FHL5: variants seen among roughly 807,000 people sequenced by gnomAD.
The protein encoded by FHL5 is four and a half LIM domains protein 5.
In FHL5, 33 loss-of-function variants were observed where a neutral mutation model predicts 32.0. That is an observed-to-expected ratio of 1.03 (90% CI 0.78 to 1.38). FHL5 has a LOEUF of 1.38. Ranked by LOEUF, FHL5 falls within the 40% of genes most tolerant of loss-of-function variation. The probability of loss-of-function intolerance (pLI) is 0.00; values close to 1 mark genes in which losing one functional copy is unlikely to be tolerated. For synonymous variants in FHL5, 114 were observed against 113.6 expected, an observed-to-expected ratio of 1.00 and a Z score of -0.02; for missense variants, 336 against 343.9, an observed-to-expected ratio of 0.98 and a Z score of 0.18.
chr6:96,604,307 TTCTCTCTC>T (rs3839356), intron 2 of FHL5, among the ~76,000 whole-genome samples: 59 of 145,912 alleles, frequency 4.0e-4, no homozygotes, highest in South Asian at 1.6e-3. Context: ...TCCTCTCTCT[TTCTCTCTC>T]TCTCTCTCTC....
intron 1 of FHL5, among the ~76,000 whole-genome samples, chr6:96,601,799 C>A (rs1158049779): frequency 1.3e-5 from 2 of 152,170 alleles, no homozygotes; most frequent in African/African-American, 2.4e-5. Flanking sequence ...AATGTGAATA[C>A]AACTTTTATT....
rs763909594 is a variant in FHL5, at chr6:96,615,618, G to A, written c.701G>A (p.Gly234Asp). 3 of 1,607,106 alleles carry A rather than the reference G, an allele frequency of 1.9e-6. No homozygotes were observed. Among genetic ancestry groups the A allele is most frequent in the Admixed American group, 1.7e-5 (1 of 59,128 alleles). The change falls in exon 6 of 6, where the codon GGT becomes GAT. Residue 234 changes from glycine to aspartate, a missense_variant. Transcript: ENST00000450218. The part of the protein sequence containing the change: ...ACSKPISGLT[G>D]AKFICFQDSQ... ...TCCAATTCCTTTACAGGTCTCACAG[G>A]TGCCAAGTTTATCTGCTTTCAAGAC...
chr6:96,589,821 T>C (rs1226848676), intron 1 of FHL5, among the ~76,000 whole-genome samples: 1 of 152,022 alleles, frequency 6.6e-6, no homozygotes, highest in Admixed American at 6.6e-5. Context: ...AGATCTATGG[T>C]TCACCTGGAA....
intron 1 of FHL5, among the ~76,000 whole-genome samples, chr6:96,576,509 C>G (rs945594037): frequency 6.6e-6 from 1 of 152,222 alleles, no homozygotes; most frequent in East Asian, 1.9e-4. Context: ...ACCACGTAAG[C>G]TTTTCATAGG....
intron 1 of FHL5, among the ~76,000 whole-genome samples, chr6:96,591,342 TC>T (rs1259220726): frequency 6.6e-6 from 1 of 152,176 alleles, no homozygotes; most frequent in Admixed American, 6.5e-5. Flanking sequence ...ATTTTCTAAT[TC>T]TTTGACACAG....
At chr6:96,583,679 T>C (rs528679137) in intron 1 of FHL5, among the ~76,000 whole-genome samples, 6 of 152,252 alleles carry the variant, frequency 3.9e-5, no homozygotes, top group Admixed American at 6.5e-5. Context: ...GTTTCTTTGA[T>C]ATCTTCCTTG....
chr6:96,578,924 T>C (rs962415608), intron 1 of FHL5, among the ~76,000 whole-genome samples: 32 of 152,312 alleles, frequency 2.1e-4, no homozygotes, highest in South Asian at 1.2e-3. Flanking sequence ...ATTTGCGAAA[T>C]TTCATTTTGT....
In FHL5 at chr6:96,614,467, G is replaced by T. The variant is rs148023866; in HGVS notation, c.692-1142G>T. On this transcript the variant is annotated intron_variant, in intron 5 of 5. Transcript: ENST00000450218. ...CTGTATGAACTACTAAATTATATAT[G>T]AAGACATCAAATAAGTTTGTTAGGA... 1.5e-3 allele frequency among the ~76,000 whole-genome samples: 222 copies of T among 152,256 alleles called. 2 individuals carry two copies. Among genetic ancestry groups the T allele is most frequent in the African/African-American group, 5.1e-3 (210 of 41,534 alleles).
chr6:96,596,491 T>C (rs1308065836), intron 1 of FHL5, among the ~76,000 whole-genome samples: 1 of 152,124 alleles, frequency 6.6e-6, no homozygotes, highest in Non-Finnish European at 1.5e-5. Flanking sequence ...TTGTTATTAA[T>C]ATATATTCTC....
At chr6:96,596,854 T>C (rs1323165565) in intron 1 of FHL5, among the ~76,000 whole-genome samples, 2 of 152,134 alleles carry the variant, frequency 1.3e-5, no homozygotes, top group African/African-American at 2.4e-5. Context: ...CCAACTAGTT[T>C]CTCTTCCTGT....
At chr6:96,599,801 T>C (rs1311360796) in intron 1 of FHL5, among the ~76,000 whole-genome samples, 2 of 152,232 alleles carry the variant, frequency 1.3e-5, no homozygotes, top group Non-Finnish European at 2.9e-5. Flanking sequence ...CCTAGAAAAG[T>C]TGAATGCTAA....
intron 1 of FHL5, among the ~76,000 whole-genome samples, chr6:96,585,381 A>G (rs969869422): frequency 6.6e-6 from 1 of 152,202 alleles, no homozygotes; most frequent in African/African-American, 2.4e-5. Context: ...CCAGCTGAGC[A>G]TAGATATATT....
chr6:96,569,156 G>A (rs1770423411), intron 1 of FHL5, among the ~76,000 whole-genome samples: 1 of 151,728 alleles, frequency 6.6e-6, no homozygotes, highest in African/African-American at 2.4e-5. Context: ...ATTTTCATTT[G>A]TTTGAAGATA....
At chr6:96,609,798 C>A (rs999200138) in intron 4 of FHL5, among the ~76,000 whole-genome samples, 4 of 152,162 alleles carry the variant, frequency 2.6e-5, no homozygotes, top group African/African-American at 9.7e-5. Context: ...TGGAATCAGA[C>A]CATGCAGGTT....
At chr6:96,607,927 G>A (rs914973316) in intron 4 of FHL5, among the ~76,000 whole-genome samples, 1 of 152,126 alleles carries the variant, frequency 6.6e-6, no homozygotes, top group Non-Finnish European at 1.5e-5. Context: ...AGAAATTCAA[G>A]GCTGCAGTGA....
intron 1 of FHL5, among the ~76,000 whole-genome samples, chr6:96,565,660 T>G (rs190386879): frequency 6.6e-6 from 1 of 152,246 alleles, no homozygotes; most frequent in Admixed American, 6.5e-5. Flanking sequence ...TATACCTTTT[T>G]GTATTTTTCC....
intron 1 of FHL5, among the ~76,000 whole-genome samples, chr6:96,602,548 G>A (rs1298824866): frequency 7.3e-6 from 1 of 136,828 alleles, no homozygotes; most frequent in South Asian, 2.4e-4. Context: ...CCGGGTTCAC[G>A]CCATTCTTCT....
intron 4 of FHL5, among the ~76,000 whole-genome samples, chr6:96,609,238 C>T (rs953967163): frequency 2.0e-5 from 3 of 152,046 alleles, no homozygotes; most frequent in East Asian, 1.9e-4. Flanking sequence ...TCGTAAACAA[C>T]GAGGCGGCTT....
chr6:96,603,892 G>C, intron 2 of FHL5, 120 bp downstream of exon 2: 1 of 750,500 alleles, frequency 1.3e-6, no homozygotes, highest in Non-Finnish European at 2.2e-6. Flanking sequence ...GATATATAAG[G>C]ATCTTAAAAG....
Sources: gnomAD v4.1 joint callset for allele counts (sites outside exome capture counted in the v4.1 genomes callset) on GRCh38, gnomAD v4.1.1 for gene constraint, MANE v1.5 for transcripts, NCBI Gene and HGNC (gene_info 2026-07-23, HGNC 2026-07-21) for gene names.